The following ZNF678 variants were observed in gnomAD, a reference collection of about 807,000 sequenced individuals.
ZNF678 encodes zinc finger protein 678.
In ZNF678, 5 loss-of-function variants were observed where a neutral mutation model predicts 3.0. The observed-to-expected ratio is 1.69, with a 90% CI of 0.88 to 3.56. The LOEUF (loss-of-function observed/expected upper bound fraction) is 3.56. Among genes scored for constraint, ZNF678 ranks in the 30% most tolerant of loss-of-function variants. ZNF678 has a pLI of 0.00. For synonymous variants in ZNF678, 218 were observed against 199.6 expected (o/e 1.09, Z -0.78); for missense variants, 593 against 605.0 (o/e 0.98, Z 0.21).
At position 227,657,710 on chromosome 1, in the gene ZNF678, T is replaced by TA. The variant is rs1659286223; in HGVS notation, c.*1883dup. On this transcript the variant is annotated 3_prime_UTR_variant, in exon 4 of 4. Transcript: ENST00000343776. ...ACATAAGTGTTAGCTTTAAGAGAAT[T>TA]ACAGAGCATGTAATTGTGTTTGAGT... The TA allele has an allele frequency of 6.6e-6, 1 of 152,034 alleles. No homozygotes were observed. Among genetic ancestry groups the TA allele is most frequent in the African/African-American group, 2.4e-5 (1 of 41,432 alleles). The allele number at this position is 152,034 out of a possible 1,614,324, so 9.4% of individuals were successfully genotyped here.
intron 1 of ZNF678, among the ~76,000 whole-genome samples, chr1:227,591,468 AT>A (rs1657411761): frequency 6.6e-6 from 1 of 152,188 alleles, no homozygotes; most frequent in Non-Finnish European, 1.5e-5. Flanking sequence ...TTTCTGCCAT[AT>A]AGCCTCTTTC....
rs116770211 is a variant in ZNF678, at chr1:227,574,727, C to A, written c.-164+11003C>A. Among the ~76,000 whole-genome samples, 565 of 152,160 alleles carry A rather than the reference C, an allele frequency of 3.7e-3. 3 individuals are homozygous for A. Among genetic ancestry groups the A allele is most frequent in the African/African-American group, 0.013 (547 of 41,520 alleles). On this transcript the variant is annotated intron_variant, in intron 1 of 3. Coordinates refer to ENST00000343776, the MANE Select transcript of ZNF678 (RefSeq NM_001367909.1). ...GCTTTTGGCGCCTTTGTCATGAATT[C>A]TTGGCCCATTTTTATGTCCTGAATG... is the stretch of plus-strand genomic sequence containing the variant.
intron 1 of ZNF678, chr1:227,599,032 C>T: frequency 6.4e-7 from 1 of 1,551,326 alleles, no homozygotes; most frequent in Non-Finnish European, 8.9e-7. Flanking sequence ...TTACTTCTTC[C>T]CAGGTAGGCC....
intron 1 of ZNF678, among the ~76,000 whole-genome samples, chr1:227,591,594 C>T (rs1332624941): frequency 6.6e-6 from 1 of 152,048 alleles, no homozygotes; most frequent in Admixed American, 6.5e-5. Context: ...ACACTTTACT[C>T]GTATCATTTA....
chr1:227,587,038 A>G (rs773725896), intron 1 of ZNF678, among the ~76,000 whole-genome samples: 6 of 152,186 alleles, frequency 3.9e-5, no homozygotes, highest in African/African-American at 9.7e-5. Context: ...ATTCAATTCA[A>G]TTTGGGTTGG....
intron 1 of ZNF678, among the ~76,000 whole-genome samples, chr1:227,625,408 T>C (rs1658385474): frequency 6.6e-6 from 1 of 152,158 alleles, no homozygotes; most frequent in Admixed American, 6.5e-5. Context: ...GTTCCTTCAA[T>C]GTCATCAACA....
intron 5 of ZNF678, among the ~76,000 whole-genome samples, chr1:227,672,252 C>T (rs1317877685): frequency 1.3e-5 from 2 of 152,014 alleles, no homozygotes; most frequent in East Asian, 3.9e-4. Flanking sequence ...CCTGCCACCA[C>T]CATATGAGAT....
At chr1:227,627,760 AG>A (rs1166461511) in intron 1 of ZNF678, among the ~76,000 whole-genome samples, 2 of 152,148 alleles carry the variant, frequency 1.3e-5, no homozygotes, top group Non-Finnish European at 2.9e-5. Context: ...TTCTGGAGTG[AG>A]GGGATTACTT....
At chr1:227,619,582 G>C (rs991459275) in intron 1 of ZNF678, among the ~76,000 whole-genome samples, 2 of 151,584 alleles carry the variant, frequency 1.3e-5, no homozygotes, top group African/African-American at 4.9e-5. Flanking sequence ...CATGATCTCG[G>C]CTCACTGCAA....
intron 1 of ZNF678, among the ~76,000 whole-genome samples, chr1:227,564,658 C>G (rs977624978): frequency 2.0e-5 from 3 of 152,218 alleles, no homozygotes; most frequent in Non-Finnish European, 4.4e-5. Flanking sequence ...GTACTCCAGG[C>G]ACAATATTTT....
At chr1:227,588,703 A>C (rs1387721540) in intron 1 of ZNF678, among the ~76,000 whole-genome samples, 1 of 151,804 alleles carries the variant, frequency 6.6e-6, no homozygotes, top group Non-Finnish European at 1.5e-5. Context: ...GCAAGGTTTC[A>C]CTTGTTGGCC....
At chr1:227,672,206 A>G (rs565243213) in intron 5 of ZNF678, among the ~76,000 whole-genome samples, 3 of 152,340 alleles carry the variant, frequency 2.0e-5, no homozygotes, top group Non-Finnish European at 2.9e-5. Context: ...AGAACAGAGC[A>G]ATGACATTAT....
At chr1:227,616,936 C>T (rs904087485) in intron 1 of ZNF678, among the ~76,000 whole-genome samples, 33 of 152,176 alleles carry the variant, frequency 2.2e-4, no homozygotes, top group African/African-American at 8.0e-4. Flanking sequence ...GTCTCTGCAG[C>T]AGGTCCAGGC....
At chr1:227,675,617 G>C (rs1193116150) in intron 5 of ZNF678, among the ~76,000 whole-genome samples, 3 of 151,926 alleles carry the variant, frequency 2.0e-5, no homozygotes, top group Non-Finnish European at 2.9e-5. Flanking sequence ...CCTGATGACT[G>C]TGAACATTCA....
In ZNF678 at chr1:227,661,478, T is replaced by C. The variant is rs907225852; in HGVS notation, c.*5650T>C. On this transcript the variant is annotated 3_prime_UTR_variant, in exon 4 of 4. Coordinates refer to ENST00000343776, the MANE Select transcript of ZNF678 (RefSeq NM_001367909.1). ...TCATTGGGGCATGTTACAGAGAGTT[T>C]CAGTAAAATTCAGAAAAAAATAATA... 3.9e-5 allele frequency: 6 copies of C among 152,212 alleles called. No homozygotes were observed. Among genetic ancestry groups the C allele is most frequent in the African/African-American group, 1.4e-4 (6 of 41,526 alleles). 9.4% of individuals were successfully genotyped at this position (152,212 alleles called of 1,614,324 possible). A position where few individuals can be genotyped will look rare whatever the true frequency, so the allele number is the denominator to read the frequency against.
At chr1:227,605,505 T>G (rs2102754319) in intron 1 of ZNF678, among the ~76,000 whole-genome samples, 1 of 152,352 alleles carries the variant, frequency 6.6e-6, no homozygotes, top group Non-Finnish European at 1.5e-5. Context: ...ATTTGTCTTG[T>G]TCCCAATGTT....
chr1:227,579,138 T>A (rs945221359), intron 1 of ZNF678, among the ~76,000 whole-genome samples: 6 of 151,898 alleles, frequency 4.0e-5, no homozygotes, highest in Non-Finnish European at 7.4e-5. Flanking sequence ...GGGGGTGAGG[T>A]GCAGCAGCTG....
At chr1:227,652,667 A>AT (rs1430728937) in intron 3 of ZNF678, among the ~76,000 whole-genome samples, 2 of 151,900 alleles carry the variant, frequency 1.3e-5, no homozygotes, top group Non-Finnish European at 2.9e-5. Context: ...TTTTTTCATT[A>AT]TTTTTACCCT....
intron 5 of ZNF678, among the ~76,000 whole-genome samples, chr1:227,669,759 A>G (rs762469784): frequency 5.3e-5 from 8 of 152,222 alleles, no homozygotes; most frequent in Non-Finnish European, 8.8e-5. Flanking sequence ...GTGAGAATGT[A>G]AATTAGTTCA....
Sources: allele counts gnomAD v4.1 joint callset (sites outside exome capture counted in the v4.1 genomes callset), GRCh38; gene constraint gnomAD v4.1.1; transcripts MANE v1.5; gene names NCBI Gene and HGNC (gene_info 2026-07-23, HGNC 2026-07-21).